Variants in SMIM41 observed in about 807,000 individuals in gnomAD.
SMIM41 encodes small integral membrane protein 41.
At position 52,081,740 on chromosome 12, in the gene SMIM41, C is replaced by A. The variant is rs1464058880; in HGVS notation, c.*120+1559C>A. Among the ~76,000 whole-genome samples, 1 of 152,162 alleles carries A rather than the reference C, an allele frequency of 6.6e-6. No homozygotes were observed. Among genetic ancestry groups the A allele is most frequent in the East Asian group, 1.9e-4 (1 of 5,184 alleles). Reference sequence around the variant, plus strand: ...TGGCCCCATACTCTCCTCTCCTTTCCCAGCTGGGAGAGAGGGTCTCCAGAT... The same window carrying A: ...TGGCCCCATACTCTCCTCTCCTTTCACAGCTGGGAGAGAGGGTCTCCAGAT... On this transcript the variant is annotated intron_variant, in intron 1 of 2. Coordinates refer to ENST00000546390, the MANE Select transcript of SMIM41 (RefSeq NM_001369216.1). This position sits in a 1 kb window ranked among gnomAD's most constrained non-coding sequence, Gnocchi z 4.1.
intron 1 of SMIM41, among the ~76,000 whole-genome samples, chr12:52,082,289 C>T (rs894574051): frequency 3.3e-5 from 5 of 152,156 alleles, no homozygotes; most frequent in South Asian, 2.1e-4. Context: ...GATTTGGTGC[C>T]GGGAAGGGCT....
chr12:52,098,995 G>T (rs1940161847), intron 2 of SMIM41, among the ~76,000 whole-genome samples: 2 of 151,920 alleles, frequency 1.3e-5, no homozygotes, highest in South Asian at 2.1e-4. Context: ...CTGCGATATC[G>T]GGAGTAATAT....
intron 2 of SMIM41, among the ~76,000 whole-genome samples, chr12:52,104,569 C>T (rs541696679): frequency 3.3e-5 from 5 of 152,162 alleles, no homozygotes; most frequent in South Asian, 2.1e-4. Flanking sequence ...TTTGTATCCT[C>T]ATCCTCAGGA....
At chr12:52,106,153 A>G (rs1359864587) in intron 2 of SMIM41, among the ~76,000 whole-genome samples, 1 of 152,228 alleles carries the variant, frequency 6.6e-6, no homozygotes, top group East Asian at 1.9e-4. Context: ...TTTTGTCCTT[A>G]TCTCAGTAAG....
At chr12:52,087,746 C>A (rs1018376182) in intron 2 of SMIM41, 1 of 152,282 alleles carries the variant, frequency 6.6e-6, no homozygotes, top group African/African-American at 2.4e-5. Flanking sequence ...CTTGGCAACA[C>A]TCAAATGAGA....
At chr12:52,100,087 C>T (rs1940187066) in intron 2 of SMIM41, among the ~76,000 whole-genome samples, 1 of 142,958 alleles carries the variant, frequency 7.0e-6, no homozygotes, top group South Asian at 2.4e-4. Flanking sequence ...GATCCTCTCC[C>T]CCCCCGGATA....
intron 2 of SMIM41, among the ~76,000 whole-genome samples, chr12:52,102,748 A>G (rs1940243244): frequency 6.6e-6 from 1 of 152,230 alleles, no homozygotes; most frequent in South Asian, 2.1e-4. Context: ...ATGCTCGAAT[A>G]TGATTGGAGG....
chr12:52,094,095 C>T (rs1940049091), intron 2 of SMIM41, among the ~76,000 whole-genome samples: 1 of 146,290 alleles, frequency 6.8e-6, no homozygotes, highest in Non-Finnish European at 1.5e-5. Context: ...TGCACCACTG[C>T]ACTCCAGCCT....
chr12:52,090,164 G>A (rs773440986), intron 2 of SMIM41, among the ~76,000 whole-genome samples: 5 of 152,162 alleles, frequency 3.3e-5, no homozygotes, highest in East Asian at 3.9e-4. Flanking sequence ...TCCACCTCCC[G>A]GGTTCAAGCG....
chr12:52,091,569 T>C (rs1940004902), intron 2 of SMIM41, among the ~76,000 whole-genome samples: 1 of 152,238 alleles, frequency 6.6e-6, no homozygotes, highest in African/African-American at 2.4e-5. Flanking sequence ...TCTGCTCAAA[T>C]GCCAGCTCTG....
At position 52,091,826 on chromosome 12, in the gene SMIM41, C is replaced by T. The variant is rs142329225; in HGVS notation, c.*195+7858C>T. The stretch of plus-strand genomic sequence containing the variant: ...AGTTGGTCATATGATATGCTGCTGG[C>T]GTGAACAGAAGATTTAGGGAAGTGT... On this transcript the variant is annotated intron_variant, in intron 2 of 2. Transcript: ENST00000546390. Among the ~76,000 whole-genome samples, 409 of 152,232 alleles carry T rather than the reference C, an allele frequency of 2.7e-3. 1 individual carries two copies. The highest frequency in any genetic ancestry group is 9.5e-3 in the African/African-American group (393 of 41,540).
chr12:52,106,374 C>G (rs753546641), intron 2 of SMIM41, among the ~76,000 whole-genome samples: 83 of 152,162 alleles, frequency 5.5e-4, no homozygotes, highest in Non-Finnish European at 1.0e-3. Flanking sequence ...CGGAGTTTTG[C>G]TCTTGTTGCC....
At chr12:52,087,084 G>A (rs1422429506) in intron 2 of SMIM41, among the ~76,000 whole-genome samples, 1 of 152,154 alleles carries the variant, frequency 6.6e-6, no homozygotes, top group African/African-American at 2.4e-5. Flanking sequence ...AGCCTTCCCT[G>A]CTCTTTCAAA....
At chr12:52,091,892 A>G (rs1221395947) in intron 2 of SMIM41, 1 of 152,216 alleles carries the variant, frequency 6.6e-6, no homozygotes, top group Non-Finnish European at 1.5e-5. Flanking sequence ...AGACTTACAG[A>G]TATTGTCAGG....
At chr12:52,104,976 TAC>T (rs1366398022) in intron 2 of SMIM41, among the ~76,000 whole-genome samples, 1 of 152,198 alleles carries the variant, frequency 6.6e-6, no homozygotes, top group Non-Finnish European at 1.5e-5. Context: ...ATTATTATTT[TAC>T]AGACTAGAAA....
intron 2 of SMIM41, among the ~76,000 whole-genome samples, chr12:52,084,511 A>C (rs1469733146): frequency 6.6e-6 from 1 of 152,238 alleles, no homozygotes; most frequent in Non-Finnish European, 1.5e-5. Context: ...AAAAGAGCCC[A>C]GAGTGAAAGA....
chr12:52,096,393 G>A (rs193148147), intron 2 of SMIM41, among the ~76,000 whole-genome samples: 7 of 152,040 alleles, frequency 4.6e-5, no homozygotes, highest in Admixed American at 3.3e-4. Flanking sequence ...CTGCGATATT[G>A]AAAGTAATAC....
At chr12:52,090,841 GCTT>G (rs1427285640) in intron 2 of SMIM41, among the ~76,000 whole-genome samples, 5 of 152,138 alleles carry the variant, frequency 3.3e-5, no homozygotes, top group Non-Finnish European at 7.4e-5. Context: ...GAGTGGGGCA[GCTT>G]CTTCTTGAAT....
chr12:52,098,024 TC>T (rs1240781257), intron 2 of SMIM41, among the ~76,000 whole-genome samples: 11 of 143,400 alleles, frequency 7.7e-5, no homozygotes, highest in Admixed American at 1.4e-4. Context: ...AGAAGTATCA[TC>T]CTCTCCCTTC....
Sources: gnomAD v4.1 joint callset for allele counts (sites outside exome capture counted in the v4.1 genomes callset) on GRCh38, gnomAD v4.1.1 for gene constraint, Gnocchi (gnomAD v3.1) non-coding constraint, MANE v1.5 for transcripts, NCBI Gene and HGNC (gene_info 2026-07-23, HGNC 2026-07-21) for gene names.